EYS: variants seen among roughly 807,000 people sequenced by gnomAD.
EYS encodes EGF-like photoreceptor maintenance factor, also known as protein eyes shut homolog.
Under a neutral mutation model 282.1 loss-of-function variants are expected in EYS, and 250 were observed. The ratio of observed to expected loss-of-function variants is 0.89; its 90% CI spans 0.80 to 0.98. The LOEUF is 0.98. Among genes scored for constraint, EYS ranks in the 50% least tolerant of loss-of-function variants. The pLI, the probability that EYS is intolerant of heterozygous loss-of-function variation, is 0.00. For synonymous variants in EYS, 1,355 were observed against 1,282.9 expected (o/e 1.06, Z -1.20); for missense variants, 4,016 against 3,709.0 (o/e 1.08, Z -2.15).
At chr6:63,920,157 C>CTT (rs56324680) in intron 35 of EYS, among the ~76,000 whole-genome samples, 1,660 of 148,554 alleles carry the variant, frequency 0.011, 15 homozygotes, top group African/African-American at 0.031. Flanking sequence ...ATTCCAAAGC[C>CTT]TTTTTTTTTT....
At chr6:64,831,520 A>G (rs1309348226) in intron 19 of EYS, among the ~76,000 whole-genome samples, 1 of 152,004 alleles carries the variant, frequency 6.6e-6, no homozygotes, top group Non-Finnish European at 1.5e-5. Flanking sequence ...AATTCATTAC[A>G]GTAGTCCTTA....
chr6:64,194,163 G>T (rs1299844339), intron 31 of EYS, among the ~76,000 whole-genome samples: 1 of 152,032 alleles, frequency 6.6e-6, no homozygotes, highest in Non-Finnish European at 1.5e-5. Flanking sequence ...GAGCCACCAC[G>T]CCAGGCCATT....
intron 5 of EYS, among the ~76,000 whole-genome samples, chr6:65,421,942 C>T (rs76755742): frequency 0.018 from 2,757 of 151,854 alleles, 92 homozygotes; most frequent in African/African-American, 0.064. Context: ...CACAGAGCCC[C>T]ATGTAGATAT....
In EYS at chr6:65,424,087, T is replaced by G. The variant is rs539567898; in HGVS notation, c.863-18720A>C. ...AGGTGTAATGAATTTAACGTGAAAT[T>G]TGTGTCCTGGCAGCCTCCTTCATCA... On this transcript the variant is annotated intron_variant, in intron 5 of 42. Coordinates refer to ENST00000503581, the MANE Select transcript of EYS (RefSeq NM_001142800.2). 4.7e-4 allele frequency among the ~76,000 whole-genome samples: 72 copies of G among 152,018 alleles called. 2 individuals carry two copies. In the South Asian group the frequency reaches 0.015, roughly 31 times the overall value.
At chr6:65,350,274 T>C (rs1025778030) in intron 9 of EYS, among the ~76,000 whole-genome samples, 8 of 151,520 alleles carry the variant, frequency 5.3e-5, no homozygotes, top group African/African-American at 1.9e-4. Flanking sequence ...TTGATAAAGA[T>C]TGCTTTGTTG....
At chr6:65,102,790 C>T (rs1032134387) in intron 12 of EYS, among the ~76,000 whole-genome samples, 8 of 151,124 alleles carry the variant, frequency 5.3e-5, no homozygotes, top group East Asian at 1.9e-4. Context: ...AAAATTAAAG[C>T]TCATTATTGT....
At chr6:65,694,752 A>AG (rs1189424965) in intron 1 of EYS, among the ~76,000 whole-genome samples, 2 of 140,120 alleles carry the variant, frequency 1.4e-5, no homozygotes, top group Non-Finnish European at 3.1e-5. Flanking sequence ...TAAAAAAAAA[A>AG]AAAAAACTTT....
Position 64,123,554 on chromosome 6 carries a change from A to G in EYS, c.6425-41552T>C, listed in dbSNP as rs1216919095. Reference sequence around the variant, plus strand: ...CAGCCTTGATCTGCACCTTTTAGCAATCTTGGTTTGGGAGAAAGACAGCTT... The same window carrying G: ...CAGCCTTGATCTGCACCTTTTAGCAGTCTTGGTTTGGGAGAAAGACAGCTT... On this transcript the variant is annotated intron_variant, in intron 31 of 42. Coordinates refer to ENST00000503581, the MANE Select transcript of EYS (RefSeq NM_001142800.2). Among the ~76,000 whole-genome samples, 4 of 152,148 alleles carry G rather than the reference A, an allele frequency of 2.6e-5. No individual in the cohort carries two copies. In the East Asian group the frequency reaches 5.8e-4, roughly 22 times the overall value.
intron 5 of EYS, among the ~76,000 whole-genome samples, chr6:65,436,073 G>T (rs1172297792): frequency 6.6e-6 from 1 of 151,938 alleles, no homozygotes; most frequent in African/African-American, 2.4e-5. Flanking sequence ...ACTAAACAGA[G>T]CATTTTATTT....
At chr6:64,265,715 T>C (rs1481859399) in intron 30 of EYS, among the ~76,000 whole-genome samples, 1 of 152,182 alleles carries the variant, frequency 6.6e-6, no homozygotes, top group Admixed American at 6.6e-5. Context: ...TTTGGCAAGT[T>C]AATTGACAAC....
intron 5 of EYS, among the ~76,000 whole-genome samples, chr6:65,411,267 A>G (rs552003503): frequency 1.3e-5 from 2 of 152,176 alleles, no homozygotes; most frequent in South Asian, 4.1e-4. Context: ...TCCAGAAACA[A>G]ACAAAATTCT....
intron 29 of EYS, among the ~76,000 whole-genome samples, chr6:64,355,911 A>G (rs1346510595): frequency 6.6e-6 from 1 of 151,582 alleles, no homozygotes; most frequent in Non-Finnish European, 1.5e-5. Context: ...GAATCTGGGA[A>G]GATGTTAATA....
intron 29 of EYS, among the ~76,000 whole-genome samples, chr6:64,314,934 T>C (rs1283839801): frequency 6.6e-6 from 1 of 151,894 alleles, no homozygotes; most frequent in East Asian, 1.9e-4. Flanking sequence ...AGAGCAGAAC[T>C]GAAGGAGATA....
intron 28 of EYS, among the ~76,000 whole-genome samples, chr6:64,392,096 C>T (rs1773173432): frequency 6.6e-6 from 1 of 151,912 alleles, no homozygotes; most frequent in Non-Finnish European, 1.5e-5. Context: ...TATATATGCA[C>T]CCAATACAGG....
intron 8 of EYS, among the ~76,000 whole-genome samples, chr6:65,376,195 A>G (rs1198570076): frequency 1.3e-5 from 2 of 152,190 alleles, no homozygotes; most frequent in African/African-American, 4.8e-5. Context: ...AAACCCTACA[A>G]GCCAGAAAAG....
rs1172418433 is a variant in EYS at position 65,407,232 on chromosome 6, TAATTTTATTTTTG to T, written c.863-1878_863-1866del. The stretch of plus-strand genomic sequence containing the variant: ...GGTCATGTAACTAGACTTGCTTTCT[TAATTTTATTTTTG>T]AATTTTATTTTTATTCATTTATTTT... On this transcript the variant is annotated intron_variant, in intron 5 of 42. Transcript: ENST00000503581. Among the ~76,000 whole-genome samples, 5 of 152,244 alleles carry T rather than the reference TAATTTTATTTTTG, an allele frequency of 3.3e-5. No homozygotes were observed. In the East Asian group the frequency reaches 5.8e-4, roughly 18 times the overall value.
intron 29 of EYS, among the ~76,000 whole-genome samples, chr6:64,364,428 T>C (rs1313592859): frequency 6.6e-6 from 1 of 151,942 alleles, no homozygotes; most frequent in Non-Finnish European, 1.5e-5. Flanking sequence ...ATAGCATACA[T>C]GCAAAATAAC....
intron 22 of EYS, among the ~76,000 whole-genome samples, chr6:64,683,762 C>T (rs1669059092): frequency 1.3e-5 from 2 of 152,200 alleles, no homozygotes; most frequent in Admixed American, 6.5e-5. Context: ...GCTCAAGTTG[C>T]TCCAGTTTGT....
intron 5 of EYS, among the ~76,000 whole-genome samples, chr6:65,433,436 T>G (rs75262181): frequency 0.013 from 1,919 of 152,274 alleles, 17 homozygotes; most frequent in Non-Finnish European, 0.022. Flanking sequence ...ACAGAATGCT[T>G]CAACAAGATT....
Sources: gnomAD v4.1 joint callset for allele counts (sites outside exome capture counted in the v4.1 genomes callset) on GRCh38, gnomAD v4.1.1 for gene constraint, MANE v1.5 for transcripts, NCBI Gene and HGNC (gene_info 2026-07-23, HGNC 2026-07-21) for gene names.